The following TUBGCP6 variants were observed in gnomAD, a reference collection of about 807,000 sequenced individuals.
The protein encoded by TUBGCP6 is gamma-tubulin complex component 6.
In TUBGCP6, 161 loss-of-function variants were observed where a neutral mutation model predicts 175.8. That is an observed-to-expected ratio of 0.92 (90% CI 0.81 to 1.04). The LOEUF is 1.04. Ranked by LOEUF, TUBGCP6 falls within the 50% of genes least tolerant of loss-of-function variation. The pLI is 0.00. For missense variants in TUBGCP6, 2,572 were observed against 2,433.0 expected (o/e 1.06, Z -1.20); for synonymous variants, 1,173 against 1,030.5 (o/e 1.14, Z -2.65).
At position 50,219,450 on chromosome 22, in the gene TUBGCP6, G is replaced by C. The variant is rs201730639; in HGVS notation, c.4322C>G (p.Pro1441Arg). Residue 1441 changes from proline to arginine, a missense_variant, in exon 19 of 25, where the codon CCG (proline) becomes CGG (arginine). Physicochemically the swap from Pro to Arg is moderately radical, Grantham distance 103. Coordinates refer to ENST00000248846, the MANE Select transcript of TUBGCP6 (RefSeq NM_020461.4). ...YPDSYESMSE[P>R]PIAHLLRPVL... Reference sequence around the variant, plus strand: ...GGGGCGCAAAAGATGAGCAATGGGCGGCTCGGCTGCGGGAGATGGAGCACG... The same window carrying C: ...GGGGCGCAAAAGATGAGCAATGGGCCGCTCGGCTGCGGGAGATGGAGCACG... The C allele has an allele frequency of 3.4e-5, 54 of 1,577,694 alleles. No individual in the cohort carries two copies. The African/African-American group carries it at 5.0e-4, about 15-fold the overall frequency.
rs2147221218 is a variant in TUBGCP6, at chr22:50,243,737, G to A, written c.723C>T (p.Leu241=). The A allele has an allele frequency of 1.2e-6, 2 of 1,612,816 alleles. No homozygotes were observed. Among genetic ancestry groups the A allele is most frequent in the Non-Finnish European group, 8.5e-7 (1 of 1,179,332 alleles). ...GLPPVPDNAD[L]SGLAIKVPPS... is the part of the protein sequence containing the mutation. The stretch of plus-strand genomic sequence containing the variant: ...ATTCTACCTTAATAGCCAGCCCAGA[G>A]AGGTCCGCATTGTCTGGCACGGGGG... Residue 241 remains leucine (L), a synonymous_variant, in exon 1 of 25, where the codon CTC becomes CTT. Coordinates refer to ENST00000248846, the MANE Select transcript of TUBGCP6 (RefSeq NM_020461.4).
At position 50,228,326 on chromosome 22, in the gene TUBGCP6, GGGCGCCC is replaced by G. The variant is rs1234802140; in HGVS notation, c.1291-305_1291-299del. 1.8e-3 allele frequency among the ~76,000 whole-genome samples: 251 copies of G among 139,562 alleles called. 2 individuals are homozygous for G. The highest frequency in any genetic ancestry group is 5.9e-3 in the African/African-American group (231 of 39,242). 91.6% of individuals were successfully genotyped at this position (139,562 alleles called of 152,430 possible). On this transcript the variant is annotated intron_variant, in intron 4 of 24. Coordinates refer to ENST00000248846, the MANE Select transcript of TUBGCP6 (RefSeq NM_020461.4). ...TCTCATCTGAGCCCAGCTGCCCCAG[GGGCGCCC>G]ACCACCAACCCTTCCTCTCATCTGA... is the stretch of plus-strand genomic sequence containing the variant.
At chr22:50,234,412 G>GCAT in intron 2 of TUBGCP6, among the ~76,000 whole-genome samples, 2 of 145,702 alleles carry the variant, frequency 1.4e-5, no homozygotes, top group Admixed American at 6.9e-5. Flanking sequence ...GTCCACAGCA[G>GCAT]CATCCACACC....
At position 50,244,638 on chromosome 22, in the gene TUBGCP6, G is replaced by A. The variant is rs2064896395; in HGVS notation, c.-179C>T. On this transcript the variant is annotated 5_prime_UTR_variant, in exon 1 of 25. Transcript: ENST00000248846. ...GGAGGTCTTGCGGTTGCTCTACTCA[G>A]AGTAAACACGCCCTGCCCTCCCCAG... 1 of 1,054,136 alleles carries A rather than the reference G, an allele frequency of 9.5e-7. No homozygotes were observed. The highest frequency in any genetic ancestry group is 1.7e-5 in the South Asian group (1 of 57,938). The allele number at this position is 1,054,136 out of a possible 1,614,324, so 65.3% of individuals were successfully genotyped here.
Position 50,229,518 on chromosome 22 carries a change from G to A in TUBGCP6, c.1176C>T (p.Ser392=), listed in dbSNP as rs995664726. Reference sequence around the variant, plus strand: ...CCACTTCCGAGAGCAGGCTGCTGATGCTCTCGGGAGACGCTCCTGACACGT... The same window carrying A: ...CCACTTCCGAGAGCAGGCTGCTGATACTCTCGGGAGACGCTCCTGACACGT... ...GVHVSGASPE[S]ISSLLSEVAE... The change falls in exon 4 of 25, where the codon AGC becomes AGT. Residue 392 remains serine, a synonymous_variant. Transcript: ENST00000248846. The A allele has an allele frequency of 5.0e-6, 8 of 1,607,902 alleles. No homozygotes were observed. In the East Asian group the frequency reaches 1.3e-4, roughly 27 times the overall value.
intron 5 of TUBGCP6, 29 bp downstream of exon 5, chr22:50,227,878 C>T (rs1405057606): frequency 1.3e-6 from 2 of 1,564,674 alleles, no homozygotes; most frequent in Non-Finnish European, 1.7e-6. Context: ...CCGCAAAGTC[C>T]CCTGCTCAGC....
At chr22:50,230,531 G>A (rs755678033) in intron 3 of TUBGCP6, among the ~76,000 whole-genome samples, 2 of 151,700 alleles carry the variant, frequency 1.3e-5, no homozygotes, top group Non-Finnish European at 2.9e-5. Flanking sequence ...TGTTGAATAC[G>A]GGAGGCAGAG....
Position 50,229,542 on chromosome 22 carries a change from G to C in TUBGCP6, c.1152C>G (p.His384Gln). Reference sequence around the variant, plus strand: ...TGCTCTCGGGAGACGCTCCTGACACGTGGACGCCCCGCTTCACCACAAAGG... The same window carrying C: ...TGCTCTCGGGAGACGCTCCTGACACCTGGACGCCCCGCTTCACCACAAAGG... The part of the protein sequence containing the change: ...AQAFVVKRGV[H>Q]VSGASPESIS... Residue 384 changes from histidine to glutamine, a missense_variant, in exon 4 of 25, where the codon CAC becomes CAG. Transcript: ENST00000248846. The C allele has an allele frequency of 6.2e-7, 1 of 1,602,544 alleles. No individual in the cohort carries two copies. The highest frequency in any genetic ancestry group is 8.5e-7 in the Non-Finnish European group (1 of 1,175,106).
chr22:50,232,984 G>A (rs2064713362), intron 3 of TUBGCP6, among the ~76,000 whole-genome samples: 1 of 152,230 alleles, frequency 6.6e-6, no homozygotes, highest in South Asian at 2.1e-4. Flanking sequence ...GCAGGCAGAT[G>A]CTCCTCCCGA....
chr22:50,219,888 C>T (rs1302099124), intron 17 of TUBGCP6, 69 bp downstream of exon 17: 77 of 1,604,232 alleles, frequency 4.8e-5, no homozygotes, highest in South Asian at 6.6e-5. Context: ...GGGACCCACC[C>T]GCGTGACAAC....
At chr22:50,226,246 C>T in intron 8 of TUBGCP6, 41 bp downstream of exon 8, 2 of 1,614,028 alleles carry the variant, frequency 1.2e-6, no homozygotes, top group Non-Finnish European at 1.7e-6. Flanking sequence ...AACCCAGGCC[C>T]ACAGGCACGG....
Position 50,244,657 on chromosome 22 carries a change from T to G in TUBGCP6, c.-198A>C. 1.1e-6 allele frequency: 1 copy of G among 877,696 alleles called. No individual in the cohort carries two copies. The highest frequency in any genetic ancestry group is 2.8e-5 in the East Asian group (1 of 35,384). 54.4% of individuals were successfully genotyped at this position (877,696 alleles called of 1,614,324 possible). ...TACTCAGAGTAAACACGCCCTGCCCTCCCCAGTCCAAGCACGCTGCCCGGC... is the reference window on the plus strand; with the variant it reads ...TACTCAGAGTAAACACGCCCTGCCCGCCCCAGTCCAAGCACGCTGCCCGGC... On this transcript the variant is annotated 5_prime_UTR_variant, in exon 1 of 25. Transcript: ENST00000248846.
chr22:50,240,058 A>G, intron 2 of TUBGCP6, 146 bp downstream of exon 2: 1 of 1,119,438 alleles, frequency 8.9e-7, no homozygotes, highest in Admixed American at 2.1e-5. Flanking sequence ...CCCAGGACTC[A>G]GTCAATTTTG....
intron 22 of TUBGCP6, 23 bp downstream of exon 22, chr22:50,218,465 G>A (rs781045795): frequency 2.3e-5 from 37 of 1,612,960 alleles, no homozygotes; most frequent in Middle Eastern, 1.6e-4. Context: ...GGTGCGGGGC[G>A]CCGGGCTCCA....
At position 50,218,315 on chromosome 22, in the gene TUBGCP6, T is replaced by A. The variant is rs2064453086; in HGVS notation, c.5042A>T (p.Gln1681Leu). 1.2e-6 allele frequency: 2 copies of A among 1,613,080 alleles called. No individual in the cohort carries two copies. The highest frequency in any genetic ancestry group is 1.7e-6 in the Non-Finnish European group (2 of 1,179,988). The stretch of plus-strand genomic sequence containing the variant: ...CAGGATCTGGTTGGCGATGTAGCCC[T>A]GGATGACCTTCACGAAATGCTGCAT... ...HEMQHFVKVI[Q>L]GYIANQILHV... Residue 1681 changes from glutamine (Q) to leucine (L), a missense_variant, in exon 23 of 25, where the codon CAG becomes CTG. By Grantham distance (113) the Gln-to-Leu change is moderately radical. Transcript: ENST00000248846.
chr22:50,224,773 G>T (rs979907780), intron 10 of TUBGCP6, among the ~76,000 whole-genome samples, 181 bp from the exon 11 acceptor site: 3 of 152,040 alleles, frequency 2.0e-5, no homozygotes, highest in Non-Finnish European at 4.4e-5. Context: ...CAGGTGTAGT[G>T]GCAGGTGCCT....
chr22:50,222,577 G>T lies in TUBGCP6; in HGVS notation c.2286C>A (p.Asp762Glu). The change falls in exon 14 of 25, where the codon GAC becomes GAA. Residue 762 changes from aspartate (D) to glutamate (E), a missense_variant. Asp to Glu is a conservative substitution (Grantham distance 45, BLOSUM62 2). Coordinates refer to ENST00000248846, the MANE Select transcript of TUBGCP6 (RefSeq NM_020461.4). Reference sequence around the variant, plus strand: ...CCTCTGCAGAGAGCTTGCTGTAGTGGTCGACCAGTGCCTGCCTGAAGCCAC... The same window carrying T: ...CCTCTGCAGAGAGCTTGCTGTAGTGTTCGACCAGTGCCTGCCTGAAGCCAC... ...LERKARQALV[D>E]HYSKLSAEAA... 1 of 1,611,928 alleles carries T rather than the reference G, an allele frequency of 6.2e-7. No homozygotes were observed. Among genetic ancestry groups the T allele is most frequent in the East Asian group, 2.2e-5 (1 of 44,888 alleles).
chr22:50,240,925 G>C (rs2064831166), intron 1 of TUBGCP6, among the ~76,000 whole-genome samples: 1 of 152,216 alleles, frequency 6.6e-6, no homozygotes, highest in Non-Finnish European at 1.5e-5. Flanking sequence ...GGAAGCGGAG[G>C]TTGCAGTGAG....
intron 1 of TUBGCP6, among the ~76,000 whole-genome samples, chr22:50,241,803 G>A (rs2064842390): frequency 6.6e-6 from 1 of 151,952 alleles, no homozygotes; most frequent in Non-Finnish European, 1.5e-5. Context: ...AAATAACAGC[G>A]CAGCCTGGCA....
Sources: allele counts gnomAD v4.1 joint callset (sites outside exome capture counted in the v4.1 genomes callset), GRCh38; gene constraint gnomAD v4.1.1; transcripts MANE v1.5; gene names NCBI Gene and HGNC (gene_info 2026-07-23, HGNC 2026-07-21).